Variants in CMYA5 observed in about 807,000 individuals in gnomAD.
CMYA5 encodes the protein cardiomyopathy associated 5, also known as cardiomyopathy-associated protein 5.
In CMYA5, 246 loss-of-function variants were observed where a neutral mutation model predicts 318.9. That is an observed-to-expected ratio of 0.77 (90% confidence interval 0.70 to 0.86). CMYA5 has a LOEUF of 0.86. Ranked by LOEUF, CMYA5 falls within the 40% of genes least tolerant of loss-of-function variation. CMYA5 has a pLI of 0.00. For synonymous variants in CMYA5, 1,641 were observed against 1,729.5 expected (o/e 0.95, Z 1.27); for missense variants, 4,589 against 4,678.2 (o/e 0.98, Z 0.56).
intron 9 of CMYA5, among the ~76,000 whole-genome samples, chr5:79,773,622 C>T (rs1338613477): frequency 6.6e-6 from 1 of 152,140 alleles, no homozygotes; most frequent in Non-Finnish European, 1.5e-5. Context: ...TTTAACTGAG[C>T]CTGGACCATA....
At position 79,763,074 on chromosome 5, in the gene CMYA5, C is replaced by T; in HGVS notation, c.11420C>T (p.Pro3807Leu). ...RAIFRTAPST[P>L]VIRAEDCTVC... ...TCTCTTTCTGCAGCACCCTCCACCC[C>T]TGTGATCCGCGCTGAGGACTGTACT... Residue 3807 changes from proline to leucine, a missense_variant, in exon 9 of 13, where the codon CCT (proline) becomes CTT (leucine). Physicochemically the swap from Pro to Leu is moderately conservative, Grantham distance 98. Transcript: ENST00000446378. The T allele has an allele frequency of 6.2e-7, 1 of 1,613,758 alleles. No homozygotes were observed. The highest frequency in any genetic ancestry group is 8.5e-7 in the Non-Finnish European group (1 of 1,179,768).
chr5:79,705,747 C>T (rs892522510), intron 1 of CMYA5, among the ~76,000 whole-genome samples: 5 of 152,180 alleles, frequency 3.3e-5, no homozygotes, highest in African/African-American at 1.2e-4. Flanking sequence ...GACTTTCTTT[C>T]AATCTCTCCT....
At position 79,797,753 on chromosome 5, in the gene CMYA5, C is replaced by T. The variant is rs111879302; in HGVS notation, c.11964-1617C>T. 3.0e-3 allele frequency among the ~76,000 whole-genome samples: 452 copies of T among 152,324 alleles called. 3 individuals carry two copies. The highest frequency in any genetic ancestry group is 9.7e-3 in the African/African-American group (402 of 41,578). On this transcript the variant is annotated intron_variant, in intron 12 of 12. Transcript: ENST00000446378. ...GCCTGGCCCCTGACTTACTTATCCA[C>T]GTAACATCCTAAAAGTCACCCCCAT...
At chr5:79,761,548 T>C (rs897556788) in intron 7 of CMYA5, among the ~76,000 whole-genome samples, 1 of 152,238 alleles carries the variant, frequency 6.6e-6, no homozygotes, top group Non-Finnish European at 1.5e-5. Flanking sequence ...TTAATTGTGG[T>C]ATATGAAGCT....
chr5:79,736,692 C>T lies in CMYA5; in HGVS notation c.7927C>T (p.Arg2643Cys), dbSNP rs199557617. 75 of 1,612,656 alleles carry T rather than the reference C, an allele frequency of 4.7e-5. No individual in the cohort carries two copies. The highest frequency in any genetic ancestry group is 1.3e-4 in the African/African-American group (10 of 74,522). The change falls in exon 2 of 13, where the codon CGT becomes TGT. Residue 2643 changes from arginine to cysteine, a missense_variant. Around this residue, in one of 3 missense-constraint regions of CMYA5, gnomAD observed 2,431 missense variants for 2,495.1 expected, o/e 0.97. Transcript: ENST00000446378. ...KTFLPVALSCRDEIENHSLSQ... is the reference protein window; with the variant it reads ...KTFLPVALSCCDEIENHSLSQ... ...TTTCCTGCCGGTGGCTCTTTCTTGT[C>T]GTGATGAAATAGAGAACCACTCTTT...
chr5:79,770,675 T>A (rs577650161), intron 9 of CMYA5, among the ~76,000 whole-genome samples: 1 of 152,130 alleles, frequency 6.6e-6, no homozygotes, highest in Admixed American at 6.5e-5. Context: ...ACCTTCTACA[T>A]TGATCTCGCT....
chr5:79,733,720 T>C lies in CMYA5; in HGVS notation c.4955T>C (p.Ile1652Thr). The change falls in exon 2 of 13, where the codon ATA (isoleucine) becomes ACA (threonine). Residue 1652 changes from isoleucine to threonine, a missense_variant. Transcript: ENST00000446378. The stretch of plus-strand genomic sequence containing the variant: ...GATTTAGGTAGACAAAGTGGATCCA[T>C]AGGTACAAAACAAGCAAAGTCTCCC... Reference protein sequence around the residue: ...SSDLGRQSGSIGTKQAKSPIT... With the variant: ...SSDLGRQSGSTGTKQAKSPIT... 2 of 1,613,798 alleles carry C rather than the reference T, an allele frequency of 1.2e-6. No individual in the cohort carries two copies. Among genetic ancestry groups the C allele is most frequent in the Non-Finnish European group, 1.7e-6 (2 of 1,179,828 alleles).
rs148891730 is a variant in CMYA5, at chr5:79,713,677, A to G, written c.150-15238A>G. On this transcript the variant is annotated intron_variant, in intron 1 of 12. Coordinates refer to ENST00000446378, the MANE Select transcript of CMYA5 (RefSeq NM_153610.5). Reference sequence around the variant, plus strand: ...ATTGATTGTGCATGCTAAAGCCCAAATGGCTCTTTTTTAACTCTGGAGAGA... The same window carrying G: ...ATTGATTGTGCATGCTAAAGCCCAAGTGGCTCTTTTTTAACTCTGGAGAGA... Among the ~76,000 whole-genome samples, 57 of 141,410 alleles carry G rather than the reference A, an allele frequency of 4.0e-4. No homozygotes were observed. In the East Asian group the frequency reaches 0.012, roughly 30 times the overall value. 92.8% of individuals were successfully genotyped at this position (141,410 alleles called of 152,430 possible). A position where few individuals can be genotyped will look rare whatever the true frequency, so the allele number is the denominator to read the frequency against.
chr5:79,729,853 T>G lies in CMYA5; in HGVS notation c.1088T>G (p.Val363Gly), dbSNP rs1580765430. 1 of 1,612,630 alleles carries G rather than the reference T, an allele frequency of 6.2e-7. No homozygotes were observed. The highest frequency in any genetic ancestry group is 2.2e-5 in the East Asian group (1 of 44,832). ...QGIQLRHSQSVPQQPEDEAKP... is the reference protein window; with the variant it reads ...QGIQLRHSQSGPQQPEDEAKP... ...ATACAGCTCAGGCATTCACAGTCAG[T>G]GCCACAACAGCCAGAAGATGAAGCA... The change falls in exon 2 of 13, where the codon GTG becomes GGG. Residue 363 changes from valine (V) to glycine (G), a missense_variant. Val to Gly is a moderately radical substitution (Grantham distance 109). Transcript: ENST00000446378.
rs200615970 is a variant in CMYA5, at chr5:79,736,461, G to A, written c.7696G>A (p.Glu2566Lys). 1.9e-4 allele frequency: 310 copies of A among 1,609,914 alleles called. No individual in the cohort carries two copies. The Middle Eastern group carries it at 4.0e-3, about 21-fold the overall frequency. The stretch of plus-strand genomic sequence containing the variant: ...TCAGCCTTATTCTGTGAATGTAGCC[G>A]AGTCTATGAGTAGAGAATCAGATAT... ...EHQPYSVNVA[E>K]SMSRESDISL... The change falls in exon 2 of 13, where the codon GAG becomes AAG. Residue 2566 changes from glutamate to lysine, a missense_variant. This residue lies in a region of CMYA5 where 2,431 missense variants were observed against 2,495.1 expected (regional missense o/e 0.97). Coordinates refer to ENST00000446378, the MANE Select transcript of CMYA5 (RefSeq NM_153610.5).
In CMYA5 at chr5:79,730,823, A is replaced by C. The variant is rs1486593634; in HGVS notation, c.2058A>C (p.Glu686Asp). The change falls in exon 2 of 13, where the codon GAA becomes GAC. Residue 686 changes from glutamate (E) to aspartate (D), a missense_variant. Coordinates refer to ENST00000446378, the MANE Select transcript of CMYA5 (RefSeq NM_153610.5). ...TCCTATCAGGAGACGAGGCCTCAGA[A>C]AGTGGGTGTTACACACCAGACTCCA... ...YMVLSGDEAS[E>D]SGCYTPDSTS... 6.2e-7 allele frequency: 1 copy of C among 1,613,960 alleles called. No individual in the cohort carries two copies. Among genetic ancestry groups the C allele is most frequent in the Non-Finnish European group, 8.5e-7 (1 of 1,179,854 alleles).
In CMYA5 at chr5:79,732,353, T is replaced by C. The variant is rs1396565297; in HGVS notation, c.3588T>C (p.Asp1196=). 1.9e-6 allele frequency: 3 copies of C among 1,613,652 alleles called. No individual in the cohort carries two copies. The highest frequency in any genetic ancestry group is 2.5e-6 in the Non-Finnish European group (3 of 1,179,824). The change falls in exon 2 of 13, where the codon GAT becomes GAC. Residue 1196 remains aspartate (D), a synonymous_variant. Coordinates refer to ENST00000446378, the MANE Select transcript of CMYA5 (RefSeq NM_153610.5). ...CAGCACTCACTCTAAAAGCTGCAGA[T>C]GAACAGATGGCTTTGTCAAAAGTCA... ...PTAALTLKAA[D]EQMALSKVRK... is the part of the protein sequence containing the mutation.
chr5:79,797,538 C>T (rs1311205647), intron 12 of CMYA5, among the ~76,000 whole-genome samples: 1 of 152,098 alleles, frequency 6.6e-6, no homozygotes, highest in Non-Finnish European at 1.5e-5. Context: ...ATTCAAATGG[C>T]CCTCCTGGTC....
chr5:79,797,877 T>C (rs1015319459), intron 12 of CMYA5, among the ~76,000 whole-genome samples: 7 of 152,124 alleles, frequency 4.6e-5, no homozygotes, highest in Admixed American at 1.3e-4. Context: ...ACTGTGTGGA[T>C]TTTTCTCCTT....
chr5:79,755,135 T>C (rs1007750297), intron 6 of CMYA5, among the ~76,000 whole-genome samples: 1 of 152,208 alleles, frequency 6.6e-6, no homozygotes, highest in Non-Finnish European at 1.5e-5. Context: ...TGGTCACAGA[T>C]TCCAAAGTCC....
intron 9 of CMYA5, among the ~76,000 whole-genome samples, chr5:79,775,920 G>A (rs1263160900): frequency 1.3e-5 from 2 of 152,166 alleles, no homozygotes; most frequent in African/African-American, 2.4e-5. Flanking sequence ...TCTCTGCCTG[G>A]AATATAAATG....
intron 2 of CMYA5, among the ~76,000 whole-genome samples, chr5:79,743,562 C>T (rs543474318): frequency 1.3e-5 from 2 of 151,316 alleles, no homozygotes; most frequent in South Asian, 4.2e-4. Flanking sequence ...ATCAGTTTAT[C>T]AAGAAAGTCC....
intron 1 of CMYA5, among the ~76,000 whole-genome samples, chr5:79,707,179 A>G (rs2151077247): frequency 6.6e-6 from 1 of 152,274 alleles, no homozygotes; most frequent in South Asian, 2.1e-4. Flanking sequence ...TTAAAGCCCC[A>G]CTGCAAGAAT....
intron 2 of CMYA5, among the ~76,000 whole-genome samples, chr5:79,742,248 G>A (rs116808894): frequency 0.025 from 3,745 of 150,134 alleles, 88 homozygotes; most frequent in Non-Finnish European, 0.037. Flanking sequence ...AGAGTGCAGC[G>A]GCGTGATCAT....
Sources: gnomAD v4.1 joint callset for allele counts (sites outside exome capture counted in the v4.1 genomes callset) on GRCh38, gnomAD v4.1.1 for gene constraint, gnomAD v4.1.1 regional missense constraint, MANE v1.5 for transcripts, NCBI Gene and HGNC (gene_info 2026-07-23, HGNC 2026-07-21) for gene names.